Variants in TIAM2 observed in about 807,000 individuals in gnomAD.
TIAM2 encodes the protein rho guanine nucleotide exchange factor TIAM2.
Under a neutral mutation model 152.9 loss-of-function variants are expected in TIAM2, and 80 were observed. The ratio of observed to expected loss-of-function variants is 0.52; its 90% CI spans 0.44 to 0.63. TIAM2 has a LOEUF of 0.63. Ranked by LOEUF, TIAM2 falls within the 30% of genes least tolerant of loss-of-function variation. The probability of loss-of-function intolerance (pLI) is 0.00; values close to 1 mark genes in which losing one functional copy is unlikely to be tolerated. For synonymous variants in TIAM2, 804 were observed against 838.0 expected, an observed-to-expected ratio of 0.96 and a Z score of 0.70; for missense variants, 1,965 against 2,120.1, an observed-to-expected ratio of 0.93 and a Z score of 1.44.
chr6:155,036,458 C>G (rs1279688583), intron 1 of TIAM2, among the ~76,000 whole-genome samples: 1 of 146,460 alleles, frequency 6.8e-6, no homozygotes, highest in Non-Finnish European at 1.5e-5. Context: ...CACTTGAACC[C>G]GGGAGGTGGA....
intron 19 of TIAM2, among the ~76,000 whole-genome samples, chr6:155,246,585 C>T (rs1783346749): frequency 6.6e-6 from 1 of 152,210 alleles, no homozygotes; most frequent in Admixed American, 6.5e-5. Context: ...ATCCTCCTAT[C>T]TAGGCCTCCC....
chr6:155,245,724 G>C lies in TIAM2; in HGVS notation c.3645G>C (p.Leu1215=). 3.1e-6 allele frequency: 5 copies of C among 1,595,726 alleles called. No homozygotes were observed. Among genetic ancestry groups the C allele is most frequent in the Non-Finnish European group, 4.3e-6 (5 of 1,172,968 alleles). Residue 1215 remains leucine (L), a synonymous_variant, in exon 19 of 27, where the codon CTG becomes CTC. Coordinates refer to ENST00000682666, the MANE Select transcript of TIAM2 (RefSeq NM_012454.4). The part of the protein sequence containing the change: ...CANHIKVQKV[L]ERAKTDKAFK... ...ACCATATCAAAGTACAGAAGGTTCT[G>C]GAGCGAGGTAAGTTGCTTATGCCTT...
At chr6:155,108,240 C>T (rs1778746131) in intron 2 of TIAM2, among the ~76,000 whole-genome samples, 2 of 152,152 alleles carry the variant, frequency 1.3e-5, no homozygotes, top group South Asian at 4.1e-4. Flanking sequence ...ATTGGGCATC[C>T]CCCATGTGTT....
intron 1 of TIAM2, among the ~76,000 whole-genome samples, chr6:155,028,622 AAT>A (rs201000748): frequency 2.2e-4 from 22 of 98,124 alleles, no homozygotes; most frequent in African/African-American, 7.8e-4. Flanking sequence ...TACTACATAT[AAT>A]ATATATACTG....
At chr6:155,135,007 G>C (rs1178753853) in intron 4 of TIAM2, among the ~76,000 whole-genome samples, 1 of 151,812 alleles carries the variant, frequency 6.6e-6, no homozygotes, top group Non-Finnish European at 1.5e-5. Context: ...GCCCAGCCAG[G>C]AGTTTTTGAA....
chr6:155,125,314 C>T (rs910822639), intron 2 of TIAM2, among the ~76,000 whole-genome samples: 12 of 151,988 alleles, frequency 7.9e-5, no homozygotes, highest in African/African-American at 2.9e-4. Context: ...AGAAGATATA[C>T]AGTAGCCAAT....
At chr6:155,076,820 C>G (rs570815616) in intron 1 of TIAM2, among the ~76,000 whole-genome samples, 5 of 152,132 alleles carry the variant, frequency 3.3e-5, no homozygotes, top group Admixed American at 6.6e-5. Context: ...CTTAGCCTCC[C>G]GAGTAGCTGG....
At chr6:155,220,876 A>G (rs952561514) in intron 15 of TIAM2, among the ~76,000 whole-genome samples, 1 of 152,102 alleles carries the variant, frequency 6.6e-6, no homozygotes, top group Non-Finnish European at 1.5e-5. Context: ...TCAACCCATC[A>G]TCTACCTTAG....
At chr6:155,187,573 CTTT>C (rs59818801) in intron 14 of TIAM2, among the ~76,000 whole-genome samples, 871 of 49,504 alleles carry the variant, frequency 0.018, 11 homozygotes, top group African/African-American at 0.066. Flanking sequence ...ACCCCGCCCC[CTTT>C]TTTTTTTTTT....
intron 15 of TIAM2, among the ~76,000 whole-genome samples, chr6:155,224,847 G>A (rs1336928077): frequency 6.6e-6 from 1 of 152,202 alleles, no homozygotes; most frequent in Non-Finnish European, 1.5e-5. Flanking sequence ...GCACAGCGGG[G>A]ATTTCATCAC....
At chr6:155,173,919 G>A (rs1780699961) in intron 9 of TIAM2, among the ~76,000 whole-genome samples, 1 of 152,182 alleles carries the variant, frequency 6.6e-6, no homozygotes, top group African/African-American at 2.4e-5. Flanking sequence ...TATGGTTTCA[G>A]CACTGACTCT....
chr6:155,253,017 A>C lies in TIAM2; in HGVS notation c.4189A>C (p.Ile1397Leu), dbSNP rs1238054561. Residue 1397 changes from isoleucine (I) to leucine (L), a missense_variant, in exon 24 of 27, where the codon ATC becomes CTC. Physicochemically the swap from Ile to Leu is conservative, Grantham distance 5 (BLOSUM62 2). Transcript: ENST00000682666. Reference protein sequence around the residue: ...DPFKFRWLIPISALQVRLGNP... With the variant: ...DPFKFRWLIPLSALQVRLGNP... ...ATTTAAATTCCGCTGGTTGATCCCC[A>C]TCTCCGCGCTTCAAGTCAGACTGGG... 3 of 1,613,958 alleles carry C rather than the reference A, an allele frequency of 1.9e-6. No individual in the cohort carries two copies. Among genetic ancestry groups the C allele is most frequent in the African/African-American group, 2.7e-5 (2 of 74,936 alleles).
At chr6:155,171,751 T>A (rs1012804952) in intron 9 of TIAM2, among the ~76,000 whole-genome samples, 1 of 152,238 alleles carries the variant, frequency 6.6e-6, no homozygotes, top group Non-Finnish European at 1.5e-5. Context: ...GATCCATCTT[T>A]GTTTTTCTTT....
intron 14 of TIAM2, among the ~76,000 whole-genome samples, chr6:155,184,931 T>C (rs1780999514): frequency 6.6e-6 from 1 of 152,160 alleles, no homozygotes; most frequent in Non-Finnish European, 1.5e-5. Context: ...GCTGCTGTTA[T>C]GGGCCTGAGT....
chr6:155,088,153 C>G (rs956502626), intron 1 of TIAM2, among the ~76,000 whole-genome samples: 3 of 149,806 alleles, frequency 2.0e-5, no homozygotes, highest in Non-Finnish European at 4.4e-5. Context: ...CTCCCAGGTA[C>G]AAGTGATTCT....
At chr6:155,124,960 C>T (rs577824085) in intron 2 of TIAM2, among the ~76,000 whole-genome samples, 52 of 151,706 alleles carry the variant, frequency 3.4e-4, no homozygotes, top group African/African-American at 1.2e-3. Flanking sequence ...CAGTGTCTTG[C>T]TTCTCCTCCC....
chr6:155,183,199 CCT>C (rs1360466358), intron 13 of TIAM2, 36 bp from the exon 14 acceptor site: 7 of 1,596,206 alleles, frequency 4.4e-6, no homozygotes, highest in African/African-American at 2.7e-5. Context: ...CACAGTAATC[CCT>C]CTCTCTTTTT....
chr6:155,256,530 GTGGACCGGTGAGAC>G lies in TIAM2; in HGVS notation c.4519_4532del (p.Thr1507GlnfsTer8). Reference sequence around the variant, plus strand: ...TCCTGAAGAATTCCTCCAGCAACGAGTGGACCGGTGAGACTGGCAAGGGAACCTTGCTGGACTCT... The same window carrying G: ...TCCTGAAGAATTCCTCCAGCAACGAGTGGCAAGGGAACCTTGCTGGACTCT... On this transcript the variant is annotated frameshift_variant, in exon 27 of 27. Transcript: ENST00000682666. LOFTEE classifies it low-confidence loss of function (END_TRUNC). The G allele has an allele frequency of 6.2e-7, 1 of 1,614,244 alleles. No individual in the cohort carries two copies. Among genetic ancestry groups the G allele is most frequent in the Non-Finnish European group, 8.5e-7 (1 of 1,180,052 alleles).
intron 1 of TIAM2, among the ~76,000 whole-genome samples, chr6:155,081,147 C>T (rs530856125): frequency 2.6e-4 from 39 of 152,174 alleles, no homozygotes; most frequent in African/African-American, 8.9e-4. Flanking sequence ...TTTTAACCAC[C>T]CTTGGTGTCA....
Sources: gnomAD v4.1 joint callset for allele counts (sites outside exome capture counted in the v4.1 genomes callset) on GRCh38, gnomAD v4.1.1 for gene constraint, MANE v1.5 for transcripts, NCBI Gene and HGNC (gene_info 2026-07-23, HGNC 2026-07-21) for gene names.